DYNC2H1: variants seen among roughly 807,000 people sequenced by gnomAD.
DYNC2H1 encodes dynein cytoplasmic 2 heavy chain 1, also known as cytoplasmic dynein 2 heavy chain 1.
DYNC2H1 carries 410 observed loss-of-function variants against 570.0 expected under a neutral mutation model. The observed-to-expected ratio is 0.72, with a 90% CI of 0.66 to 0.78. The LOEUF is 0.78. Among genes scored for constraint, DYNC2H1 ranks in the 30% least tolerant of loss-of-function variants. The pLI, the probability that DYNC2H1 is intolerant of heterozygous loss-of-function variation, is 0.00. For synonymous variants in DYNC2H1, 1,688 were observed against 1,677.6 expected (o/e 1.01, Z -0.15); for missense variants, 4,865 against 5,046.4 (o/e 0.96, Z 1.09).
chr11:103,167,429 G>A (rs1231680609), intron 31 of DYNC2H1, among the ~76,000 whole-genome samples: 1 of 151,794 alleles, frequency 6.6e-6, no homozygotes, highest in African/African-American at 2.4e-5. Flanking sequence ...CATCATGGCT[G>A]GCTGACTTTT....
chr11:103,288,880 CAAAA>C (rs546404582), intron 75 of DYNC2H1, among the ~76,000 whole-genome samples: 1 of 80,122 alleles, frequency 1.2e-5, no homozygotes, highest in Non-Finnish European at 2.5e-5. Flanking sequence ...GACTCAATCT[CAAAA>C]AAAAAAAAAA....
chr11:103,407,511 T>C (rs768507108), intron 84 of DYNC2H1: 1 of 151,920 alleles, frequency 6.6e-6, no homozygotes, highest in Non-Finnish European at 1.5e-5. Context: ...GCGTAAGTGG[T>C]AGAAAATTTT....
intron 78 of DYNC2H1, among the ~76,000 whole-genome samples, chr11:103,310,686 TTTTTTTTTTTTTG>T (rs1244859461): frequency 1.1e-5 from 1 of 88,602 alleles, no homozygotes; most frequent in Non-Finnish European, 2.2e-5. Context: ...TTTTTTTTTT[TTTTTTTTTTTTTG>T]GGAGACTGAG....
chr11:103,376,728 C>T (rs1322942579), intron 83 of DYNC2H1, among the ~76,000 whole-genome samples: 2 of 152,114 alleles, frequency 1.3e-5, no homozygotes, highest in Non-Finnish European at 2.9e-5. Flanking sequence ...TTACATAGCA[C>T]TATTAGAGCA....
intron 73 of DYNC2H1, among the ~76,000 whole-genome samples, chr11:103,285,994 A>G (rs1866337396): frequency 6.6e-6 from 1 of 152,206 alleles, no homozygotes; most frequent in Admixed American, 6.5e-5. Flanking sequence ...AGCTAGGTAC[A>G]AATGTTTTTA....
chr11:103,292,229 C>A (rs1866643511), intron 75 of DYNC2H1, among the ~76,000 whole-genome samples: 1 of 147,166 alleles, frequency 6.8e-6, no homozygotes, highest in Non-Finnish European at 1.5e-5. Context: ...ATTTTAACTT[C>A]TTGCTTTTTT....
chr11:103,386,847 T>C (rs1324973891), intron 83 of DYNC2H1, among the ~76,000 whole-genome samples: 1 of 152,208 alleles, frequency 6.6e-6, no homozygotes, highest in African/African-American at 2.4e-5. Flanking sequence ...TTTTTGTGGC[T>C]GCATAGTATT....
intron 75 of DYNC2H1, among the ~76,000 whole-genome samples, chr11:103,290,061 T>C (rs1461602728): frequency 2.0e-5 from 3 of 152,024 alleles, no homozygotes; most frequent in African/African-American, 7.2e-5. Flanking sequence ...CCAGTCATAT[T>C]GGATTGAGGC....
intron 84 of DYNC2H1, among the ~76,000 whole-genome samples, chr11:103,417,862 C>T (rs1005956576): frequency 2.2e-5 from 3 of 137,312 alleles, no homozygotes; most frequent in Non-Finnish European, 4.6e-5. Context: ...GACAACAGAG[C>T]GAGACTCCAT....
intron 60 of DYNC2H1, among the ~76,000 whole-genome samples, chr11:103,232,983 A>G (rs1033241314): frequency 1.2e-4 from 18 of 152,016 alleles, no homozygotes; most frequent in African/African-American, 4.3e-4. Context: ...TTGAATTTAA[A>G]ATTTTATTTA....
rs545728128 is a variant in DYNC2H1 at position 103,256,307 on chromosome 11, A to G, written c.10461+67A>G. 2.1e-6 allele frequency: 3 copies of G among 1,462,930 alleles called. No homozygotes were observed. In the South Asian group the frequency reaches 4.0e-5, roughly 19 times the overall value. The allele number at this position is 1,462,930 out of a possible 1,614,324, so 90.6% of individuals were successfully genotyped here. A position where few individuals can be genotyped will look rare whatever the true frequency, so the allele number is the denominator to read the frequency against. ...GAACATTTAGGTTAATATGATAGAA[A>G]ATGTAGAATCAGGTCCTCAGGGGAA... On this transcript the variant is annotated intron_variant, in intron 68 of 88. Transcript: ENST00000375735. The surrounding 1 kb of genome is among the most constrained non-coding windows in gnomAD (Gnocchi z 4.0).
At position 103,311,624 on chromosome 11, in the gene DYNC2H1, T is replaced by C. The variant is rs1429294996; in HGVS notation, c.11494-254T>C. ...CCTCTCAATCATCCTATAAAACTTA[T>C]TTGGTTATTTTGAATATTATTGTAT... On this transcript the variant is annotated intron_variant, in intron 78 of 88. Coordinates refer to ENST00000375735, the MANE Select transcript of DYNC2H1 (RefSeq NM_001377.3). Among the ~76,000 whole-genome samples, 3 of 152,072 alleles carry C rather than the reference T, an allele frequency of 2.0e-5. No individual in the cohort carries two copies. The East Asian group carries it at 5.8e-4, about 29-fold the overall frequency.
At position 103,133,748 on chromosome 11, in the gene DYNC2H1, T is replaced by C. The variant is rs971830084; in HGVS notation, c.2106+41T>C. 6.7e-7 allele frequency: 1 copy of C among 1,503,352 alleles called. No homozygotes were observed. The highest frequency in any genetic ancestry group is 8.9e-7 in the Non-Finnish European group (1 of 1,121,814). The allele number at this position is 1,503,352 out of a possible 1,614,324, so 93.1% of individuals were successfully genotyped here. ...AAAATTGAATAAGCTATGAATGATA[T>C]TATTTAAAAAGTCATTAAGATACAA... On this transcript the variant is annotated intron_variant, in intron 14 of 88. Transcript: ENST00000375735. This position sits in a 1 kb window ranked among gnomAD's most constrained non-coding sequence, Gnocchi z 4.8.
At chr11:103,403,116 A>C (rs2135659587) in intron 84 of DYNC2H1, 1 of 152,226 alleles carries the variant, frequency 6.6e-6, no homozygotes, top group East Asian at 1.9e-4. Flanking sequence ...AAGTTGAACT[A>C]TTCATTGTTG....
intron 85 of DYNC2H1, among the ~76,000 whole-genome samples, chr11:103,441,358 T>C (rs1275972080): frequency 6.7e-6 from 1 of 148,926 alleles, no homozygotes; most frequent in African/African-American, 2.5e-5. Flanking sequence ...ACCCCCGCAC[T>C]CCCCCCTCCA....
At chr11:103,336,993 G>A (rs572374572) in intron 82 of DYNC2H1, among the ~76,000 whole-genome samples, 4 of 152,228 alleles carry the variant, frequency 2.6e-5, no homozygotes, top group South Asian at 4.1e-4. Flanking sequence ...TGACATGTTC[G>A]TGATGGCCAT....
At position 103,261,187 on chromosome 11, in the gene DYNC2H1, C is replaced by A. The variant is rs1198479623; in HGVS notation, c.10695+1210C>A. The stretch of plus-strand genomic sequence containing the variant: ...CAGGGCATCTCTGAAAGAAAGGCAA[C>A]ACCCCCAGTCAGGGGCTTATAGATA... On this transcript the variant is annotated intron_variant, in intron 70 of 88. Coordinates refer to ENST00000375735, the MANE Select transcript of DYNC2H1 (RefSeq NM_001377.3). The surrounding 1 kb of genome is among the most constrained non-coding windows in gnomAD (Gnocchi z 4.8). Among the ~76,000 whole-genome samples the A allele has an allele frequency of 6.6e-6, 1 of 152,186 alleles. No homozygotes were observed. Among genetic ancestry groups the A allele is most frequent in the Admixed American group, 6.5e-5 (1 of 15,278 alleles).
chr11:103,178,314 C>G (rs985140451), intron 38 of DYNC2H1, among the ~76,000 whole-genome samples: 3 of 152,004 alleles, frequency 2.0e-5, no homozygotes, highest in African/African-American at 7.2e-5. Flanking sequence ...AGGAGACTCC[C>G]TACTTTTTGC....
chr11:103,266,004 A>G (rs1467376456), intron 70 of DYNC2H1, among the ~76,000 whole-genome samples: 1 of 120,526 alleles, frequency 8.3e-6, no homozygotes, highest in Non-Finnish European at 1.6e-5. Flanking sequence ...TTGGGCCCCA[A>G]CTTTGATCTC....
Sources: allele counts gnomAD v4.1 joint callset (sites outside exome capture counted in the v4.1 genomes callset), GRCh38; gene constraint gnomAD v4.1.1; non-coding constraint Gnocchi (gnomAD v3.1); transcripts MANE v1.5; gene names NCBI Gene and HGNC (gene_info 2026-07-23, HGNC 2026-07-21).